WDR59: variants seen among roughly 807,000 people sequenced by gnomAD.
WDR59 encodes WD repeat domain 59.
Under a neutral mutation model 131.2 loss-of-function variants are expected in WDR59, and 100 were observed. That is an observed-to-expected ratio of 0.76 (90% confidence interval 0.65 to 0.90). The LOEUF is 0.90. Ranked by LOEUF, WDR59 falls within the 40% of genes least tolerant of loss-of-function variation. The pLI, the probability that WDR59 is intolerant of heterozygous loss-of-function variation, is 0.00. For synonymous variants in WDR59, 601 were observed against 466.2 expected, an observed-to-expected ratio of 1.29 and a Z score of -3.72; for missense variants, 1,203 against 1,262.2, an observed-to-expected ratio of 0.95 and a Z score of 0.71.
rs775886319 is a variant in WDR59 at position 74,951,442 on chromosome 16, G to A, written c.326+16C>T. Reference sequence around the variant, plus strand: ...AAAGCAAGACAGCCAAAGAGCTGTGGAGGGCTGGTGCCTACCTGATGACAC... The same window carrying A: ...AAAGCAAGACAGCCAAAGAGCTGTGAAGGGCTGGTGCCTACCTGATGACAC... On this transcript the variant is annotated intron_variant, in intron 4 of 25. Coordinates refer to ENST00000262144, the MANE Select transcript of WDR59 (RefSeq NM_030581.4). 4.4e-6 allele frequency: 7 copies of A among 1,585,290 alleles called. No individual in the cohort carries two copies. Among genetic ancestry groups the A allele is most frequent in the Non-Finnish European group, 6.0e-6 (7 of 1,165,416 alleles).
intron 15 of WDR59, 43 bp from the exon 16 acceptor site, chr16:74,909,700 T>C: frequency 1.9e-6 from 3 of 1,555,170 alleles, no homozygotes; most frequent in Non-Finnish European, 2.6e-6. Flanking sequence ...CAACCTGTCT[T>C]AAAGCTGAAC....
At chr16:74,940,872 A>C (rs1403530484) in intron 7 of WDR59, among the ~76,000 whole-genome samples, 1 of 151,754 alleles carries the variant, frequency 6.6e-6, no homozygotes, top group East Asian at 2.0e-4. Context: ...CGCCCAGCTA[A>C]ATTTTGTATT....
intron 1 of WDR59, among the ~76,000 whole-genome samples, chr16:74,981,595 A>G (rs889849935): frequency 1.3e-4 from 17 of 131,926 alleles, no homozygotes; most frequent in Non-Finnish European, 2.5e-4. Flanking sequence ...ATTTTTTTAG[A>G]CAATACATAT....
At chr16:74,967,261 G>A (rs1254988912) in intron 1 of WDR59, among the ~76,000 whole-genome samples, 1 of 152,182 alleles carries the variant, frequency 6.6e-6, no homozygotes, top group Admixed American at 6.5e-5. Flanking sequence ...ACCAGAGTCA[G>A]GAGCAGAGCG....
At chr16:74,920,454 G>A (rs2030094604) in intron 10 of WDR59, among the ~76,000 whole-genome samples, 1 of 152,080 alleles carries the variant, frequency 6.6e-6, no homozygotes, top group Admixed American at 6.6e-5. Context: ...AGGCTGGAGT[G>A]CAGTGGCACA....
At chr16:74,888,053 G>C in intron 22 of WDR59, 116 bp downstream of exon 22, 1 of 1,317,674 alleles carries the variant, frequency 7.6e-7, no homozygotes, top group Non-Finnish European at 1.0e-6. Flanking sequence ...AGGAGGCGGA[G>C]GTTGCAGTGA....
At chr16:74,877,311 AG>A (rs1308130327) in intron 25 of WDR59, among the ~76,000 whole-genome samples, 9 of 152,198 alleles carry the variant, frequency 5.9e-5, no homozygotes, top group Non-Finnish European at 1.3e-4. Flanking sequence ...ACACTTTAAG[AG>A]GAAAAAAACA....
rs1434209339 is a variant in WDR59 at position 74,893,106 on chromosome 16, T to C, written c.2001-541A>G. ...AGCTCTTCTGCTTTGTAAAGTAGCA[T>C]GCCTTGTACAATACTCCACCCCCTT... On this transcript the variant is annotated intron_variant, in intron 19 of 25. Transcript: ENST00000262144. Among the ~76,000 whole-genome samples the C allele has an allele frequency of 2.6e-5, 4 of 152,200 alleles. No homozygotes were observed. In the South Asian group the frequency reaches 8.3e-4, roughly 31 times the overall value.
intron 6 of WDR59, among the ~76,000 whole-genome samples, chr16:74,948,148 T>C (rs943002732): frequency 4.6e-5 from 7 of 152,180 alleles, no homozygotes; most frequent in African/African-American, 1.7e-4. Context: ...TAAAATTGGA[T>C]GTATGATGAC....
chr16:74,913,781 G>A (rs1253712906), intron 13 of WDR59, among the ~76,000 whole-genome samples: 1 of 152,184 alleles, frequency 6.6e-6, no homozygotes, highest in Non-Finnish European at 1.5e-5. Context: ...TGAGGGAAGG[G>A]GAAATAGGGA....
intron 15 of WDR59, 28 bp downstream of exon 15, chr16:74,909,794 G>C: frequency 6.3e-7 from 1 of 1,599,024 alleles, no homozygotes; most frequent in African/African-American, 1.3e-5. Context: ...CAAAGCCTAA[G>C]TTGGTATGAC....
At chr16:74,918,706 AATCTC>A (rs1277374382) in intron 10 of WDR59, among the ~76,000 whole-genome samples, 1 of 152,226 alleles carries the variant, frequency 6.6e-6, no homozygotes, top group Non-Finnish European at 1.5e-5. Flanking sequence ...CAGTATCTAG[AATCTC>A]CTTCATGGCC....
At chr16:74,916,344 T>C in intron 11 of WDR59, 85 bp from the exon 12 acceptor site, 1 of 1,564,080 alleles carries the variant, frequency 6.4e-7, no homozygotes, top group South Asian at 1.1e-5. Flanking sequence ...GACTTAAAAA[T>C]GGGAAGGGCA....
chr16:74,984,199 T>G lies in WDR59; in HGVS notation c.54+765A>C, dbSNP rs2034535809. On this transcript the variant is annotated intron_variant, in intron 1 of 25. Transcript: ENST00000262144. ...GGCTGAGGCAGGAGAATTGCTTGAA[T>G]CCCGGAGGCGGAGGTTGCAGTGAGC... Among the ~76,000 whole-genome samples the G allele has an allele frequency of 2.0e-5, 3 of 151,682 alleles. No individual in the cohort carries two copies. In the South Asian group the frequency reaches 6.3e-4, roughly 32 times the overall value.
intron 10 of WDR59, among the ~76,000 whole-genome samples, chr16:74,918,506 T>TA (rs150923858): frequency 0.026 from 4,023 of 152,340 alleles, 177 homozygotes; most frequent in African/African-American, 0.091. Flanking sequence ...CATGGCATCT[T>TA]ACCATTCAAA....
rs529729350 is a variant in WDR59, at chr16:74,923,570, C to T, written c.729+356G>A. ...TCAGCTTACTGCAAGCTCTGCCTCC[C>T]GGGTTCAAGCGATTCTCCTGCCTCA... is the stretch of plus-strand genomic sequence containing the variant. On this transcript the variant is annotated intron_variant, in intron 9 of 25. Transcript: ENST00000262144. 4.6e-5 allele frequency among the ~76,000 whole-genome samples: 7 copies of T among 152,200 alleles called. No individual in the cohort carries two copies. The South Asian group carries it at 6.2e-4, about 14-fold the overall frequency.
rs369130163 is a variant in WDR59 at position 74,943,407 on chromosome 16, C to T, written c.446-581G>A. On this transcript the variant is annotated intron_variant, in intron 6 of 25. Transcript: ENST00000262144. Reference sequence around the variant, plus strand: ...GTCAGCCGTGGCCACTGGCACCACACTGATAAGGGAAAGGGAACACCCTTG... The same window carrying T: ...GTCAGCCGTGGCCACTGGCACCACATTGATAAGGGAAAGGGAACACCCTTG... Among the ~76,000 whole-genome samples the T allele has an allele frequency of 1.1e-4, 16 of 152,254 alleles. 2 individuals carry two copies. Among genetic ancestry groups the T allele is most frequent in the African/African-American group, 3.9e-4 (16 of 41,546 alleles).
chr16:74,950,282 G>A (rs1044892532), intron 4 of WDR59, among the ~76,000 whole-genome samples: 2 of 152,084 alleles, frequency 1.3e-5, no homozygotes, highest in East Asian at 1.9e-4. Context: ...AGCTGAGATC[G>A]TGCCACTGCA....
intron 8 of WDR59, among the ~76,000 whole-genome samples, chr16:74,935,336 A>G (rs931476643): frequency 1.9e-4 from 29 of 151,012 alleles, no homozygotes; most frequent in Admixed American, 7.2e-4. Flanking sequence ...AAGATCAGGG[A>G]AAAAAAAAGA....
Sources: gnomAD v4.1 joint callset for allele counts (sites outside exome capture counted in the v4.1 genomes callset) on GRCh38, gnomAD v4.1.1 for gene constraint, MANE v1.5 for transcripts, NCBI Gene and HGNC (gene_info 2026-07-23, HGNC 2026-07-21) for gene names.